BCAS3: variants seen among roughly 807,000 people sequenced by gnomAD.
The protein encoded by BCAS3 is BCAS4/BCAS3 fusion.
Under a neutral mutation model 116.1 loss-of-function variants are expected in BCAS3, and 53 were observed. That is an observed-to-expected ratio of 0.46 (90% confidence interval 0.37 to 0.57). BCAS3 has a LOEUF of 0.57. BCAS3 is among the 20% of genes least tolerant of loss of function. BCAS3 has a pLI of 0.00. For missense variants in BCAS3, 917 were observed against 1,165.4 expected, an observed-to-expected ratio of 0.79 and a Z score of 3.10; for synonymous variants, 391 against 408.2, an observed-to-expected ratio of 0.96 and a Z score of 0.51.
Position 61,392,400 on chromosome 17 carries a change from C to A in BCAS3, c.*275C>A. On this transcript the variant is annotated 3_prime_UTR_variant, in exon 24 of 24. Coordinates refer to ENST00000407086, the MANE Select transcript of BCAS3 (RefSeq NM_017679.5). This position sits in a 1 kb window ranked among gnomAD's most constrained non-coding sequence, Gnocchi z 6.4. ...GTGTATGTTTGCATATGACATCCTG[C>A]ATTGGATCCGCTTTTGTATTTTTTA... The A allele has an allele frequency of 3.4e-6, 1 of 298,476 alleles. No homozygotes were observed. The highest frequency in any genetic ancestry group is 5.6e-5 in the East Asian group (1 of 17,996). The allele number at this position is 298,476 out of a possible 1,614,324, so 18.5% of individuals were successfully genotyped here.
chr17:60,998,336 T>A (rs1340489444), intron 15 of BCAS3, among the ~76,000 whole-genome samples: 1 of 152,242 alleles, frequency 6.6e-6, no homozygotes, highest in East Asian at 1.9e-4. Context: ...TTTGTAAGAA[T>A]GATTTATTTT....
intron 13 of BCAS3, among the ~76,000 whole-genome samples, chr17:60,928,047 G>A (rs374362033): frequency 3.2e-4 from 48 of 152,100 alleles, no homozygotes; most frequent in East Asian, 1.2e-3. Flanking sequence ...GATTTTACCC[G>A]TTTCAGCTAG....
At chr17:61,148,520 G>A (rs983757480) in intron 22 of BCAS3, among the ~76,000 whole-genome samples, 2 of 152,110 alleles carry the variant, frequency 1.3e-5, no homozygotes, top group African/African-American at 4.8e-5. Context: ...AGAAATGTGG[G>A]CTCCGTGTTC....
chr17:61,027,421 T>C (rs1219720434), intron 16 of BCAS3: 2 of 440,322 alleles, frequency 4.5e-6, no homozygotes, highest in African/African-American at 2.0e-5. Context: ...TGACAAAATA[T>C]ATATTTTACA....
intron 22 of BCAS3, among the ~76,000 whole-genome samples, chr17:61,177,915 T>G (rs893958586): frequency 6.6e-6 from 1 of 152,166 alleles, no homozygotes; most frequent in Non-Finnish European, 1.5e-5. Flanking sequence ...GCATTTTGAT[T>G]TTGGACTAAA....
At chr17:61,263,704 A>G (rs536445218) in intron 22 of BCAS3, among the ~76,000 whole-genome samples, 4 of 152,352 alleles carry the variant, frequency 2.6e-5, no homozygotes, top group African/African-American at 7.2e-5. Context: ...TAAAATCTCA[A>G]TTTCTTTCCT....
chr17:60,774,485 A>G (rs1283521693), intron 6 of BCAS3, among the ~76,000 whole-genome samples: 1 of 152,190 alleles, frequency 6.6e-6, no homozygotes, highest in Non-Finnish European at 1.5e-5. Flanking sequence ...TCTTTGCATG[A>G]CTTAAAATTT....
At chr17:61,030,721 T>C (rs557438681) in intron 16 of BCAS3, among the ~76,000 whole-genome samples, 3 of 152,222 alleles carry the variant, frequency 2.0e-5, no homozygotes, top group South Asian at 4.1e-4. Flanking sequence ...TTTGATTACA[T>C]TGATTCGTAT....
At chr17:60,787,746 G>A (rs1247370856) in intron 6 of BCAS3, among the ~76,000 whole-genome samples, 1 of 152,108 alleles carries the variant, frequency 6.6e-6, no homozygotes, top group Non-Finnish European at 1.5e-5. Flanking sequence ...CAGATCACTA[G>A]GAGAAACTGT....
intron 22 of BCAS3, among the ~76,000 whole-genome samples, chr17:61,192,010 C>T (rs146548612): frequency 1.7e-4 from 26 of 151,670 alleles, no homozygotes; most frequent in African/African-American, 5.8e-4. Context: ...TTTGGGAGGC[C>T]GAGGCGGGTG....
intron 22 of BCAS3, among the ~76,000 whole-genome samples, chr17:61,169,736 T>C (rs1000285872): frequency 1.3e-5 from 2 of 152,232 alleles, no homozygotes; most frequent in Non-Finnish European, 2.9e-5. Context: ...GATAATGTAT[T>C]GAGGTTGTTT....
chr17:61,388,818 C>A lies in BCAS3; in HGVS notation c.2594-3159C>A. ...CTCCCCTCCACTTCCCACACACACC[C>A]CTGCCTGCAGGGGGAGGAGCAGAAG... On this transcript the variant is annotated intron_variant, in intron 23 of 23. Transcript: ENST00000407086. The surrounding 1 kb of genome is among the most constrained non-coding windows in gnomAD (Gnocchi z 6.5). 1 of 1,075,026 alleles carries A rather than the reference C, an allele frequency of 9.3e-7. No individual in the cohort carries two copies. Among genetic ancestry groups the A allele is most frequent in the South Asian group, 1.5e-5 (1 of 67,916 alleles). 66.6% of individuals were successfully genotyped at this position (1,075,026 alleles called of 1,614,324 possible). A position where few individuals can be genotyped will look rare whatever the true frequency, so the allele number is the denominator to read the frequency against.
At chr17:60,760,241 A>T (rs542946072) in intron 6 of BCAS3, among the ~76,000 whole-genome samples, 2 of 152,154 alleles carry the variant, frequency 1.3e-5, no homozygotes, top group East Asian at 3.9e-4. Flanking sequence ...TTTGTTTTGC[A>T]TATTCTTTGT....
At position 60,932,945 on chromosome 17, in the gene BCAS3, A is replaced by T. The variant is rs370311412; in HGVS notation, c.1087+8445A>T. On this transcript the variant is annotated intron_variant, in intron 13 of 23. Coordinates refer to ENST00000407086, the MANE Select transcript of BCAS3 (RefSeq NM_017679.5). ...ATCCCAACACTTTGGGAGGCCGAGG[A>T]GGGCGGATTACTTGAGGTTGGGAGT... Among the ~76,000 whole-genome samples, 22 of 151,944 alleles carry T rather than the reference A, an allele frequency of 1.4e-4. No homozygotes were observed. In the East Asian group the frequency reaches 4.1e-3, roughly 28 times the overall value.
intron 9 of BCAS3, among the ~76,000 whole-genome samples, chr17:60,877,009 G>T (rs1315183303): frequency 6.6e-6 from 1 of 151,984 alleles, no homozygotes; most frequent in Admixed American, 6.6e-5. Flanking sequence ...TTCTTTTTCA[G>T]AATGTTTAGT....
intron 7 of BCAS3, chr17:60,810,202 T>G (rs548884459): frequency 3.3e-5 from 14 of 429,608 alleles, no homozygotes; most frequent in African/African-American, 2.5e-4. Context: ...TCCACCAAAC[T>G]ACCAGTCTCT....
chr17:61,142,655 A>G lies in BCAS3; in HGVS notation c.2425+58091A>G, dbSNP rs3826418. The stretch of plus-strand genomic sequence containing the variant: ...CAGTCATATAGAATGATGTGCTTGG[A>G]AGATCTCTGCCTTTTCATGTACTGC... On this transcript the variant is annotated intron_variant, in intron 22 of 23. Coordinates refer to ENST00000407086, the MANE Select transcript of BCAS3 (RefSeq NM_017679.5). Among the ~76,000 whole-genome samples the G allele has an allele frequency of 6.9e-3, 1,053 of 152,258 alleles. 22 individuals are homozygous for G. The East Asian group carries it at 0.089, about 13-fold the overall frequency.
At chr17:60,905,983 A>C (rs527425014) in intron 11 of BCAS3, among the ~76,000 whole-genome samples, 4 of 152,344 alleles carry the variant, frequency 2.6e-5, no homozygotes, top group South Asian at 4.1e-4. Context: ...GTGGTTACAA[A>C]GAAAAGGTAA....
chr17:60,834,585 A>G (rs1178984701), intron 7 of BCAS3, among the ~76,000 whole-genome samples: 3 of 152,034 alleles, frequency 2.0e-5, no homozygotes, highest in African/African-American at 4.8e-5. Context: ...CTAGAGTAAT[A>G]AAACTGGGCA....
Sources: allele counts gnomAD v4.1 joint callset (sites outside exome capture counted in the v4.1 genomes callset), GRCh38; gene constraint gnomAD v4.1.1; non-coding constraint Gnocchi (gnomAD v3.1); transcripts MANE v1.5; gene names NCBI Gene and HGNC (gene_info 2026-07-23, HGNC 2026-07-21).